Variants in AP1G1 observed in about 807,000 individuals in gnomAD.
The protein encoded by AP1G1 is adaptor related protein complex 1 subunit gamma 1.
AP1G1 carries 7 observed loss-of-function variants against 108.3 expected under a neutral mutation model. That is an observed-to-expected ratio of 0.06 (90% CI 0.04 to 0.12). The LOEUF (loss-of-function observed/expected upper bound fraction) is 0.12, where lower values mean the gene tolerates loss of function less well. Among genes scored for constraint, AP1G1 ranks in the 10% least tolerant of loss-of-function variants. The pLI is 1.00. For synonymous variants in AP1G1, 379 were observed against 353.5 expected (o/e 1.07, Z -0.81); for missense variants, 756 against 1,010.7 (o/e 0.75, Z 3.42).
At chr16:71,771,075 A>T in intron 5 of AP1G1, 81 bp downstream of exon 5, 1 of 849,076 alleles carries the variant, frequency 1.2e-6, no homozygotes, top group Non-Finnish European at 1.9e-6. Context: ...GTTCTGAGAG[A>T]CACAGGACTA....
chr16:71,729,184 A>G lies in AP1G1; in HGVS notation c.*3874T>C. 1 of 152,250 alleles carries G rather than the reference A, an allele frequency of 6.6e-6. No individual in the cohort carries two copies. Among genetic ancestry groups the G allele is most frequent in the East Asian group, 1.9e-4 (1 of 5,192 alleles). 9.4% of individuals were successfully genotyped at this position (152,250 alleles called of 1,614,324 possible). A position where few individuals can be genotyped will look rare whatever the true frequency, so the allele number is the denominator to read the frequency against. ...ATTTTTTTTTTTACATCTCAAAAATATGTCTGCAATAATTAGAGCTTCATT... is the reference window on the plus strand; with the variant it reads ...ATTTTTTTTTTTACATCTCAAAAATGTGTCTGCAATAATTAGAGCTTCATT... On this transcript the variant is annotated 3_prime_UTR_variant, in exon 23 of 23. Coordinates refer to ENST00000299980, the MANE Select transcript of AP1G1 (RefSeq NM_001128.6).
In AP1G1 at chr16:71,799,617, T is replaced by C. The variant is rs1194119383; in HGVS notation, c.-4+9146A>G. Among the ~76,000 whole-genome samples, 9 of 152,168 alleles carry C rather than the reference T, an allele frequency of 5.9e-5. No individual in the cohort carries two copies. In the East Asian group the frequency reaches 1.4e-3, roughly 23 times the overall value. ...ATCTCATCTCTTATTAAAAAACTAA[T>C]AGGCTGGGAGCGGTGGCTCACACCT... On this transcript the variant is annotated intron_variant, in intron 1 of 22. Coordinates refer to ENST00000299980, the MANE Select transcript of AP1G1 (RefSeq NM_001128.6).
chr16:71,807,243 T>C (rs1469571935), intron 1 of AP1G1, among the ~76,000 whole-genome samples: 1 of 152,164 alleles, frequency 6.6e-6, no homozygotes, highest in Non-Finnish European at 1.5e-5. Flanking sequence ...CTGGGCAACA[T>C]GATGAAACCC....
intron 1 of AP1G1, among the ~76,000 whole-genome samples, chr16:71,799,551 C>G (rs2032708852): frequency 6.6e-6 from 1 of 151,818 alleles, no homozygotes; most frequent in Admixed American, 6.6e-5. Context: ...GCAGACTGCT[C>G]AAGTCCAGGA....
intron 1 of AP1G1, among the ~76,000 whole-genome samples, chr16:71,790,430 C>G (rs2032356924): frequency 6.6e-6 from 1 of 151,240 alleles, no homozygotes; most frequent in Non-Finnish European, 1.5e-5. Context: ...ATCCCAGCTA[C>G]TCAGGAGAAT....
In AP1G1 at chr16:71,732,719, T is replaced by G. The variant is rs761947285; in HGVS notation, c.*339A>C. On this transcript the variant is annotated 3_prime_UTR_variant, in exon 23 of 23. Transcript: ENST00000299980. The stretch of plus-strand genomic sequence containing the variant: ...AAGTGAGTGTTTTTTCGCCATGGAT[T>G]GCAGTCCTCTCCTCCAGACCAGCTG... 3 of 210,452 alleles carry G rather than the reference T, an allele frequency of 1.4e-5. No individual in the cohort carries two copies. Among genetic ancestry groups the G allele is most frequent in the Non-Finnish European group, 1.9e-5 (2 of 105,078 alleles). The allele number at this position is 210,452 out of a possible 1,614,324, so 13.0% of individuals were successfully genotyped here. A position where few individuals can be genotyped will look rare whatever the true frequency, so the allele number is the denominator to read the frequency against.
At chr16:71,800,506 A>AC (rs964639244) in intron 1 of AP1G1, among the ~76,000 whole-genome samples, 10 of 150,580 alleles carry the variant, frequency 6.6e-5, no homozygotes, top group East Asian at 4.0e-4. Flanking sequence ...ACATGGAGAA[A>AC]CCCCCCCGTC....
chr16:71,790,338 C>G (rs1239798135), intron 1 of AP1G1, among the ~76,000 whole-genome samples: 1 of 151,818 alleles, frequency 6.6e-6, no homozygotes, highest in Non-Finnish European at 1.5e-5. Context: ...GTCGGGAGTT[C>G]GAGACCAGCC....
chr16:71,785,931 G>A (rs748552481), intron 2 of AP1G1, among the ~76,000 whole-genome samples: 5 of 152,096 alleles, frequency 3.3e-5, no homozygotes, highest in Non-Finnish European at 7.3e-5. Flanking sequence ...AAATGGCACT[G>A]TGATCATACG....
In AP1G1 at chr16:71,731,830, T is replaced by C. The variant is rs1038499927; in HGVS notation, c.*1228A>G. ...TAAGACCTCCTCTGACATAGGGGTA[T>C]GGAAGCTACAAGGCTTCACTCCAAC... On this transcript the variant is annotated 3_prime_UTR_variant, in exon 23 of 23. Transcript: ENST00000299980. 6.6e-6 allele frequency: 1 copy of C among 152,668 alleles called. No individual in the cohort carries two copies. Among genetic ancestry groups the C allele is most frequent in the Non-Finnish European group, 1.5e-5 (1 of 68,038 alleles). 9.5% of individuals were successfully genotyped at this position (152,668 alleles called of 1,614,324 possible).
At position 71,774,462 on chromosome 16, in the gene AP1G1, A is replaced by G. The variant is rs1435521631; in HGVS notation, c.326+6T>C. On this transcript the variant is annotated splice_donor_region_variant and intron_variant, in intron 3 of 22. Transcript: ENST00000299980. Reference sequence around the variant, plus strand: ...AGTTGTTAGAAGAAAGAAAAGTAAGACTTACTTCTTGATACAGTTGGTCAT... The same window carrying G: ...AGTTGTTAGAAGAAAGAAAAGTAAGGCTTACTTCTTGATACAGTTGGTCAT... The G allele has an allele frequency of 1.9e-6, 3 of 1,591,004 alleles. No homozygotes were observed. Among genetic ancestry groups the G allele is most frequent in the Non-Finnish European group, 1.7e-6 (2 of 1,174,502 alleles).
chr16:71,746,845 C>G (rs923170732), intron 16 of AP1G1, 153 bp from the exon 17 acceptor site: 33 of 568,866 alleles, frequency 5.8e-5, no homozygotes, highest in Non-Finnish European at 8.9e-5. Context: ...AAACACTTTA[C>G]TTTCATCCAT....
intron 1 of AP1G1, among the ~76,000 whole-genome samples, chr16:71,802,006 G>C (rs2142284039): frequency 6.6e-6 from 1 of 151,906 alleles, no homozygotes; most frequent in South Asian, 2.1e-4. Flanking sequence ...TGTACAAGTG[G>C]TGTAACGCAA....
At chr16:71,750,920 G>A (rs1270920914) in intron 13 of AP1G1, among the ~76,000 whole-genome samples, 1 of 151,500 alleles carries the variant, frequency 6.6e-6, no homozygotes, top group Non-Finnish European at 1.5e-5. Flanking sequence ...ACTTTGGGAG[G>A]CCAAGGCGGG....
chr16:71,788,617 G>A (rs928803379), intron 2 of AP1G1, among the ~76,000 whole-genome samples: 4 of 151,486 alleles, frequency 2.6e-5, no homozygotes, highest in South Asian at 2.1e-4. Context: ...TCCACACAAC[G>A]CTGTGCCCAG....
chr16:71,782,565 C>A (rs1434538555), intron 2 of AP1G1, among the ~76,000 whole-genome samples: 1 of 151,914 alleles, frequency 6.6e-6, no homozygotes, highest in Non-Finnish European at 1.5e-5. Flanking sequence ...TGGCTCACTG[C>A]AACCTCCACC....
rs1484629769 is a variant in AP1G1 at position 71,731,309 on chromosome 16, G to A, written c.*1749C>T. 1 of 152,540 alleles carries A rather than the reference G, an allele frequency of 6.6e-6. No homozygotes were observed. Among genetic ancestry groups the A allele is most frequent in the Admixed American group, 6.5e-5 (1 of 15,270 alleles). 9.4% of individuals were successfully genotyped at this position (152,540 alleles called of 1,614,324 possible). A position where few individuals can be genotyped will look rare whatever the true frequency, so the allele number is the denominator to read the frequency against. Reference sequence around the variant, plus strand: ...CTAGTAAGACCAGAAACTTTCCCGTGGAGCCTTTAGTTCAACTCCAGTTTG... The same window carrying A: ...CTAGTAAGACCAGAAACTTTCCCGTAGAGCCTTTAGTTCAACTCCAGTTTG... On this transcript the variant is annotated 3_prime_UTR_variant, in exon 23 of 23. Coordinates refer to ENST00000299980, the MANE Select transcript of AP1G1 (RefSeq NM_001128.6).
chr16:71,744,571 G>GGTT (rs771913855), intron 19 of AP1G1, among the ~76,000 whole-genome samples: 1 of 114,410 alleles, frequency 8.7e-6, no homozygotes, highest in Non-Finnish European at 1.7e-5. Flanking sequence ...GAGAAAGTGT[G>GGTT]TTTTTTTTTT....
chr16:71,762,596 AT>A (rs2031140606), intron 9 of AP1G1, among the ~76,000 whole-genome samples: 1 of 152,170 alleles, frequency 6.6e-6, no homozygotes, highest in East Asian at 1.9e-4. Flanking sequence ...AAAATCCCAA[AT>A]GGACAGGGTT....
Sources: gnomAD v4.1 joint callset for allele counts (sites outside exome capture counted in the v4.1 genomes callset) on GRCh38, gnomAD v4.1.1 for gene constraint, MANE v1.5 for transcripts, NCBI Gene and HGNC (gene_info 2026-07-23, HGNC 2026-07-21) for gene names.